Variants in MMAA observed in about 807,000 individuals in gnomAD.
MMAA encodes the protein metabolism of cobalamin associated A.
In MMAA, 41 loss-of-function variants were observed where a neutral mutation model predicts 45.0. That is an observed-to-expected ratio of 0.91 (90% CI 0.71 to 1.18). The LOEUF is 1.18. MMAA is among the 50% of genes most tolerant of loss of function. The probability of loss-of-function intolerance (pLI) is 0.00; values close to 1 mark genes in which losing one functional copy is unlikely to be tolerated. For missense variants in MMAA, 460 were observed against 495.7 expected, an observed-to-expected ratio of 0.93 and a Z score of 0.68; for synonymous variants, 154 against 178.2, an observed-to-expected ratio of 0.86 and a Z score of 1.08.
rs79103483 is a variant in MMAA at position 145,636,424 on chromosome 4, T to C, written c.-65-2651T>C. ...GTTATCTCTTCAAAAGCAAAGTTGA[T>C]TATGTCACCTCCAAAAAGGTCTCTG... On this transcript the variant is annotated intron_variant, in intron 1 of 6. Coordinates refer to ENST00000649156, the MANE Select transcript of MMAA (RefSeq NM_172250.3). Among the ~76,000 whole-genome samples the C allele has an allele frequency of 1.6e-3, 237 of 152,310 alleles. 1 individual carries two copies. The highest frequency in any genetic ancestry group is 5.6e-3 in the African/African-American group (234 of 41,560).
chr4:145,629,834 C>T (rs780689419), intron 1 of MMAA, among the ~76,000 whole-genome samples: 10 of 152,216 alleles, frequency 6.6e-5, no homozygotes, highest in Non-Finnish European at 1.0e-4. Context: ...ATCAGGAGAA[C>T]GGCACAGGAA....
chr4:145,628,614 A>G (rs997900179), intron 1 of MMAA, among the ~76,000 whole-genome samples: 2 of 152,196 alleles, frequency 1.3e-5, no homozygotes, highest in African/African-American at 4.8e-5. Flanking sequence ...ATAATCTAAG[A>G]TAATCTTTTT....
At chr4:145,648,122 A>T (rs1231292216) in intron 4 of MMAA, among the ~76,000 whole-genome samples, 1 of 135,270 alleles carries the variant, frequency 7.4e-6, no homozygotes, top group Non-Finnish European at 1.6e-5. Flanking sequence ...GCCTCCCATT[A>T]CAGGTGTGAT....
In MMAA at chr4:145,659,622, T is replaced by C. The variant is rs1728332401; in HGVS notation, c.*4188T>C. Reference sequence around the variant, plus strand: ...AAGCTCGTAACATCCACCTGGCCAATCTTAAGATGTGGATAGAGTTCTTTT... The same window carrying C: ...AAGCTCGTAACATCCACCTGGCCAACCTTAAGATGTGGATAGAGTTCTTTT... On this transcript the variant is annotated 3_prime_UTR_variant, in exon 7 of 7. Coordinates refer to ENST00000649156, the MANE Select transcript of MMAA (RefSeq NM_172250.3). 6.6e-6 allele frequency: 1 copy of C among 152,198 alleles called. No homozygotes were observed. Among genetic ancestry groups the C allele is most frequent in the African/African-American group, 2.4e-5 (1 of 41,452 alleles). The allele number at this position is 152,198 out of a possible 1,614,324, so 9.4% of individuals were successfully genotyped here. A position where few individuals can be genotyped will look rare whatever the true frequency, so the allele number is the denominator to read the frequency against.
At position 145,654,086 on chromosome 4, in the gene MMAA, G is replaced by C. The variant is rs371769807; in HGVS notation, c.912G>C (p.Ala304=). ...DLIVPARRIQ[A]EYVSALKLLR... is the part of the protein sequence containing the mutation. ...TTGTGCCAGCTCGAAGGATACAAGCGGAATATGTGAGTGCACTGAAATTAC... is the reference window on the plus strand; with the variant it reads ...TTGTGCCAGCTCGAAGGATACAAGCCGAATATGTGAGTGCACTGAAATTAC... The change falls in exon 6 of 7, where the codon GCG becomes GCC. Residue 304 remains alanine, a synonymous_variant. Transcript: ENST00000649156. 2.5e-6 allele frequency: 4 copies of C among 1,614,104 alleles called. No individual in the cohort carries two copies. In the South Asian group the frequency reaches 4.4e-5, roughly 18 times the overall value.
intron 1 of MMAA, among the ~76,000 whole-genome samples, chr4:145,632,591 C>T (rs1727479671): frequency 1.3e-5 from 2 of 152,206 alleles, no homozygotes; most frequent in East Asian, 1.9e-4. Context: ...ACATTTTACC[C>T]ATCTCTTTTT....
intron 1 of MMAA, among the ~76,000 whole-genome samples, chr4:145,638,157 C>CAGGA (rs1156765532): frequency 6.6e-6 from 1 of 152,168 alleles, no homozygotes; most frequent in Non-Finnish European, 1.5e-5. Context: ...CTCACGAGGT[C>CAGGA]AGGAGATCGA....
intron 4 of MMAA, chr4:145,646,375 C>T (rs1727928611): frequency 3.8e-6 from 2 of 529,224 alleles, no homozygotes; most frequent in Admixed American, 6.4e-5. Context: ...ATCTGGATAA[C>T]TGTTATACAG....
chr4:145,644,275 A>C (rs1290578018), intron 3 of MMAA, among the ~76,000 whole-genome samples: 1 of 152,194 alleles, frequency 6.6e-6, no homozygotes. Flanking sequence ...CAGATTGTTT[A>C]CTTACACAGA....
intron 1 of MMAA, among the ~76,000 whole-genome samples, chr4:145,628,539 G>C (rs1439126353): frequency 6.6e-6 from 1 of 152,136 alleles, no homozygotes; most frequent in Non-Finnish European, 1.5e-5. Context: ...ATGTCACTCT[G>C]CTATTCATTT....
intron 5 of MMAA, among the ~76,000 whole-genome samples, chr4:145,652,752 A>AT (rs1253586514): frequency 1.3e-5 from 2 of 151,754 alleles, no homozygotes; most frequent in African/African-American, 2.4e-5. Flanking sequence ...ACAACAAAAA[A>AT]ACCCAGGTAT....
chr4:145,636,141 A>G (rs766667332), intron 1 of MMAA, among the ~76,000 whole-genome samples: 13 of 152,356 alleles, frequency 8.5e-5, no homozygotes, highest in Non-Finnish European at 1.8e-4. Context: ...GGGGAATGAA[A>G]TAAGTTCAGA....
At chr4:145,621,596 G>T (rs540600942) in intron 1 of MMAA, among the ~76,000 whole-genome samples, 22 of 152,142 alleles carry the variant, frequency 1.4e-4, no homozygotes, top group Non-Finnish European at 1.3e-4. Context: ...TGTGGTTGGG[G>T]GGGGTGGAAT....
chr4:145,635,473 AAC>A (rs770411420), intron 1 of MMAA, among the ~76,000 whole-genome samples: 17 of 152,124 alleles, frequency 1.1e-4, no homozygotes, highest in Non-Finnish European at 5.9e-5. Flanking sequence ...GGGGATTCAA[AAC>A]AGTTTTTCCT....
chr4:145,654,990 A>T (rs1164814614), intron 6 of MMAA, among the ~76,000 whole-genome samples, 157 bp from the exon 7 acceptor site: 4 of 152,186 alleles, frequency 2.6e-5, no homozygotes, highest in Admixed American at 6.5e-5. Context: ...CTCAGAATAT[A>T]TATTGGTATA....
At chr4:145,643,218 G>A (rs1727834886) in intron 3 of MMAA, among the ~76,000 whole-genome samples, 1 of 152,104 alleles carries the variant, frequency 6.6e-6, no homozygotes, top group South Asian at 2.1e-4. Context: ...TATGATTTAA[G>A]CTTTTCATAT....
rs541983886 is a variant in MMAA at position 145,631,006 on chromosome 4, G to C, written c.-65-8069G>C. Reference sequence around the variant, plus strand: ...TTCTAGTTTTATTCCAATGTGGTTAGAGAAGATGTTTGATCTTATTTCAAT... The same window carrying C: ...TTCTAGTTTTATTCCAATGTGGTTACAGAAGATGTTTGATCTTATTTCAAT... On this transcript the variant is annotated intron_variant, in intron 1 of 6. Transcript: ENST00000649156. 2.0e-5 allele frequency among the ~76,000 whole-genome samples: 3 copies of C among 152,316 alleles called. No homozygotes were observed. The East Asian group carries it at 5.8e-4, about 29-fold the overall frequency.
intron 1 of MMAA, among the ~76,000 whole-genome samples, chr4:145,626,856 C>T (rs1455864624): frequency 6.6e-6 from 1 of 152,104 alleles, no homozygotes; most frequent in Non-Finnish European, 1.5e-5. Context: ...TCAGATGCTC[C>T]AAAGAGTTGG....
At chr4:145,647,399 C>T (rs183444507) in intron 4 of MMAA, among the ~76,000 whole-genome samples, 16 of 152,304 alleles carry the variant, frequency 1.1e-4, no homozygotes, top group Admixed American at 1.0e-3. Context: ...CAGTTACCAG[C>T]ATGGTTCATA....
Sources: gnomAD v4.1 joint callset for allele counts (sites outside exome capture counted in the v4.1 genomes callset) on GRCh38, gnomAD v4.1.1 for gene constraint, MANE v1.5 for transcripts, NCBI Gene and HGNC (gene_info 2026-07-23, HGNC 2026-07-21) for gene names.